BARX2: variants seen among roughly 807,000 people sequenced by gnomAD.
BARX2 encodes the protein BARX homeobox 2, also known as homeobox protein BarH-like 2.
A neutral mutation model predicts 25.5 loss-of-function variants in BARX2; 11 were observed. The ratio of observed to expected loss-of-function variants is 0.43; its 90% CI spans 0.27 to 0.71. The LOEUF (loss-of-function observed/expected upper bound fraction) is 0.71. Among genes scored for constraint, BARX2 ranks in the 30% least tolerant of loss-of-function variants. The probability of loss-of-function intolerance (pLI) is 0.19; values close to 1 mark genes in which losing one functional copy is unlikely to be tolerated. For missense variants in BARX2, 360 were observed against 359.9 expected, an observed-to-expected ratio of 1.00 and a Z score of 0.00; for synonymous variants, 137 against 149.5, an observed-to-expected ratio of 0.92 and a Z score of 0.61.
chr11:129,420,234 G>A (rs977530194), intron 1 of BARX2, among the ~76,000 whole-genome samples: 1 of 152,078 alleles, frequency 6.6e-6, no homozygotes. Flanking sequence ...GAAGCTTTTT[G>A]GATTGGCTGT....
At chr11:129,395,239 G>A (rs753588172) in intron 1 of BARX2, among the ~76,000 whole-genome samples, 2 of 152,084 alleles carry the variant, frequency 1.3e-5, no homozygotes, top group South Asian at 2.1e-4. Context: ...TGACTGTGCC[G>A]AGCCTAGAGA....
chr11:129,430,822 A>C (rs540551697), intron 1 of BARX2, among the ~76,000 whole-genome samples: 4 of 152,098 alleles, frequency 2.6e-5, no homozygotes, highest in Non-Finnish European at 5.9e-5. Flanking sequence ...TCACTTAAGC[A>C]TAGTCATTTG....
rs934898267 is a variant in BARX2, at chr11:129,393,335, T to C, written c.187+17113T>C. On this transcript the variant is annotated intron_variant, in intron 1 of 3. Transcript: ENST00000281437. ...GTCTAATGTGGCTTAGACTCAAGAA[T>C]TTCTTATTTTGAAAAGTATGGTGCT... is the stretch of plus-strand genomic sequence containing the variant. Among the ~76,000 whole-genome samples, 2 of 152,164 alleles carry C rather than the reference T, an allele frequency of 1.3e-5. 1 individual carries two copies. The highest frequency in any genetic ancestry group is 4.2e-4 in the South Asian group (2 of 4,816).
intron 1 of BARX2, among the ~76,000 whole-genome samples, chr11:129,406,009 C>A (rs1861825937): frequency 6.6e-6 from 1 of 152,184 alleles, no homozygotes; most frequent in Non-Finnish European, 1.5e-5. Flanking sequence ...ACTTATCTAT[C>A]TCATTACTAG....
intron 1 of BARX2, among the ~76,000 whole-genome samples, chr11:129,387,573 A>G (rs7125657): frequency 0.9 from 137,038 of 152,264 alleles, 61,748 homozygotes; most frequent in East Asian, 1. Context: ...GATATTTCGG[A>G]AAGGTGTTGT....
Position 129,423,861 on chromosome 11 carries a change from T to C in BARX2, c.188-12890T>C, listed in dbSNP as rs559198087. On this transcript the variant is annotated intron_variant, in intron 1 of 3. Transcript: ENST00000281437. ...CCTCTGTTTCTTTCTCTCTCTCTCCTTTTTTTTTTTTTTGTTGAGATGGAG... is the reference window on the plus strand; with the variant it reads ...CCTCTGTTTCTTTCTCTCTCTCTCCCTTTTTTTTTTTTTGTTGAGATGGAG... 2.4e-3 allele frequency among the ~76,000 whole-genome samples: 328 copies of C among 134,556 alleles called. 1 individual carries two copies. The highest frequency in any genetic ancestry group is 8.8e-3 in the African/African-American group (316 of 36,028). 88.3% of individuals were successfully genotyped at this position (134,556 alleles called of 152,430 possible).
intron 1 of BARX2, among the ~76,000 whole-genome samples, chr11:129,409,023 A>G (rs1861860228): frequency 6.6e-6 from 1 of 151,948 alleles, no homozygotes; most frequent in Non-Finnish European, 1.5e-5. Flanking sequence ...TCCAGAATCT[A>G]GAATAACTTA....
Position 129,451,404 on chromosome 11 carries a change from G to A in BARX2, c.*2G>A. On this transcript the variant is annotated 3_prime_UTR_variant, in exon 4 of 4. Coordinates refer to ENST00000281437, the MANE Select transcript of BARX2 (RefSeq NM_003658.5). The stretch of plus-strand genomic sequence containing the variant: ...TCGGAACCCCCACCATTAAGCTAAA[G>A]TAAAACCCTTTTGAGGGAAGAGGGA... 1.2e-6 allele frequency: 2 copies of A among 1,610,132 alleles called. No individual in the cohort carries two copies. Among genetic ancestry groups the A allele is most frequent in the South Asian group, 2.2e-5 (2 of 90,980 alleles).
At chr11:129,406,844 G>A (rs1314825377) in intron 1 of BARX2, among the ~76,000 whole-genome samples, 8 of 152,172 alleles carry the variant, frequency 5.3e-5, no homozygotes, top group Admixed American at 3.9e-4. Context: ...AGGGACCACT[G>A]GAGTAATTAA....
chr11:129,451,989 A>C lies in BARX2; in HGVS notation c.*587A>C, dbSNP rs1291560989. The C allele has an allele frequency of 6.6e-6, 1 of 151,928 alleles. No individual in the cohort carries two copies. Among genetic ancestry groups the C allele is most frequent in the Non-Finnish European group, 1.5e-5 (1 of 68,080 alleles). 9.4% of individuals were successfully genotyped at this position (151,928 alleles called of 1,614,324 possible). ...TGAAGACACGTGTGCCTTTGTACCCATTATAAGATGGTCATAAGACCCAAG... is the reference window on the plus strand; with the variant it reads ...TGAAGACACGTGTGCCTTTGTACCCCTTATAAGATGGTCATAAGACCCAAG... On this transcript the variant is annotated 3_prime_UTR_variant, in exon 4 of 4. Transcript: ENST00000281437.
chr11:129,395,289 A>G (rs891239541), intron 1 of BARX2, among the ~76,000 whole-genome samples: 7 of 152,142 alleles, frequency 4.6e-5, no homozygotes, highest in Admixed American at 3.9e-4. Context: ...GGGATTGACA[A>G]TATTTCCATT....
intron 2 of BARX2, among the ~76,000 whole-genome samples, chr11:129,440,878 G>A (rs1263742205): frequency 6.6e-6 from 1 of 152,230 alleles, no homozygotes; most frequent in Non-Finnish European, 1.5e-5. Context: ...GAGATTCACA[G>A]ACGGCAATCC....
Position 129,437,010 on chromosome 11 carries a change from G to A in BARX2, c.447G>A (p.Glu149=). Residue 149 remains glutamate (E), a synonymous_variant, in exon 2 of 4, where the codon GAG becomes GAA. Transcript: ENST00000281437. The stretch of plus-strand genomic sequence containing the variant: ...CCGAGCTGCAGCTCATGGGCCTGGA[G>A]AAGAAATTCCAGAAGCAGAAGTATT... ...IFTELQLMGL[E]KKFQKQKYLS... 1 of 1,596,150 alleles carries A rather than the reference G, an allele frequency of 6.3e-7. No individual in the cohort carries two copies. The highest frequency in any genetic ancestry group is 8.6e-7 in the Non-Finnish European group (1 of 1,168,426).
rs1219090057 is a variant in BARX2, at chr11:129,451,579, C to T, written c.*177C>T. 16 of 753,660 alleles carry T rather than the reference C, an allele frequency of 2.1e-5. No homozygotes were observed. The highest frequency in any genetic ancestry group is 3.3e-5 in the Non-Finnish European group (16 of 479,724). The allele number at this position is 753,660 out of a possible 1,614,324, so 46.7% of individuals were successfully genotyped here. A position where few individuals can be genotyped will look rare whatever the true frequency, so the allele number is the denominator to read the frequency against. On this transcript the variant is annotated 3_prime_UTR_variant, in exon 4 of 4. Transcript: ENST00000281437. ...TGTCATCGCAAGCATTTGACAAAGA[C>T]TTGCTTGTCTTGGGCCTGTCACCTC...
chr11:129,379,639 G>A (rs1398557286), intron 1 of BARX2, among the ~76,000 whole-genome samples: 1 of 152,056 alleles, frequency 6.6e-6, no homozygotes, highest in Non-Finnish European at 1.5e-5. Context: ...CTGCCTTTCT[G>A]TCTGATCTTT....
chr11:129,434,349 G>A (rs1213180626), intron 1 of BARX2, among the ~76,000 whole-genome samples: 1 of 135,580 alleles, frequency 7.4e-6, no homozygotes, highest in Non-Finnish European at 1.5e-5. Context: ...AGGATTGCTT[G>A]AGGCCAAGAG....
At chr11:129,387,727 T>C (rs1861629355) in intron 1 of BARX2, among the ~76,000 whole-genome samples, 1 of 152,206 alleles carries the variant, frequency 6.6e-6, no homozygotes, top group Admixed American at 6.5e-5. Context: ...TGCTTTTTTT[T>C]CTACTGGGAG....
chr11:129,416,576 C>T (rs1369525300), intron 1 of BARX2, among the ~76,000 whole-genome samples: 2 of 152,114 alleles, frequency 1.3e-5, no homozygotes, highest in African/African-American at 2.4e-5. Flanking sequence ...ATTAAAAATG[C>T]TTGGAGTTTG....
At chr11:129,404,494 C>A (rs1861809597) in intron 1 of BARX2, among the ~76,000 whole-genome samples, 1 of 152,218 alleles carries the variant, frequency 6.6e-6, no homozygotes, top group Non-Finnish European at 1.5e-5. Context: ...TGTCTGCCAT[C>A]TGCCCACTTC....
Sources: allele counts gnomAD v4.1 joint callset (sites outside exome capture counted in the v4.1 genomes callset), GRCh38; gene constraint gnomAD v4.1.1; transcripts MANE v1.5; gene names NCBI Gene and HGNC (gene_info 2026-07-23, HGNC 2026-07-21).